The following DPYSL3 variants were observed in gnomAD, a reference collection of about 807,000 sequenced individuals.
DPYSL3 encodes dihydropyrimidinase like 3.
Under a neutral mutation model 66.1 loss-of-function variants are expected in DPYSL3, and 16 were observed. The observed-to-expected ratio is 0.24, with a 90% CI of 0.16 to 0.37. DPYSL3 has a LOEUF of 0.37. Among genes scored for constraint, DPYSL3 ranks in the 10% least tolerant of loss-of-function variants. The pLI, the probability that DPYSL3 is intolerant of heterozygous loss-of-function variation, is 1.00. For missense variants in DPYSL3, 738 were observed against 916.2 expected (o/e 0.81, Z 2.51); for synonymous variants, 338 against 345.1 (o/e 0.98, Z 0.23).
chr5:147,492,577 T>G (rs974372853), intron 1 of DPYSL3, among the ~76,000 whole-genome samples: 7 of 152,152 alleles, frequency 4.6e-5, no homozygotes, highest in South Asian at 2.1e-4. Flanking sequence ...GCACTACTCA[T>G]AAAATAATAC....
chr5:147,455,810 C>A (rs1203367196), intron 1 of DPYSL3, among the ~76,000 whole-genome samples: 1 of 151,402 alleles, frequency 6.6e-6, no homozygotes, highest in Non-Finnish European at 1.5e-5. Flanking sequence ...TTACAAGTTT[C>A]TTTGCCTTTC....
intron 7 of DPYSL3, 132 bp from the exon 8 acceptor site, chr5:147,405,862 T>G: frequency 8.3e-7 from 1 of 1,199,508 alleles, no homozygotes; most frequent in South Asian, 1.6e-5. Flanking sequence ...TGGAATTAGA[T>G]AGCCTATATC....
chr5:147,485,785 C>G (rs1753320555), intron 1 of DPYSL3, among the ~76,000 whole-genome samples: 1 of 152,166 alleles, frequency 6.6e-6, no homozygotes, highest in South Asian at 2.1e-4. Flanking sequence ...CTTCTATTAA[C>G]TGTAACTTGG....
At chr5:147,438,325 G>A (rs1205356377) in intron 1 of DPYSL3, among the ~76,000 whole-genome samples, 1 of 152,198 alleles carries the variant, frequency 6.6e-6, no homozygotes, top group Admixed American at 6.5e-5. Flanking sequence ...AGGACTTCAA[G>A]AGGTCAGGCA....
At chr5:147,411,657 G>A (rs756981307) in intron 6 of DPYSL3, among the ~76,000 whole-genome samples, 2 of 152,232 alleles carry the variant, frequency 1.3e-5, no homozygotes, top group Non-Finnish European at 2.9e-5. Context: ...CTCACCAAAC[G>A]GCACCTGCTA....
Position 147,397,482 on chromosome 5 carries a change from A to G in DPYSL3, c.1803+184T>C, listed in dbSNP as rs1042958764. ...TGGGAAAAAAAGCTCTCTTTGAACA[A>G]AAATTTTCAACACCCTCTTTAATAG... On this transcript the variant is annotated intron_variant, in intron 12 of 13. Coordinates refer to ENST00000343218, the MANE Select transcript of DPYSL3 (RefSeq NM_001197294.2). Among the ~76,000 whole-genome samples the G allele has an allele frequency of 7.9e-5, 12 of 152,332 alleles. 1 individual carries two copies. Among genetic ancestry groups the G allele is most frequent in the East Asian group, 7.7e-4 (4 of 5,186 alleles).
Position 147,434,980 on chromosome 5 carries a change from AAG to A in DPYSL3, c.382-10019_382-10018del, listed in dbSNP as rs549608811. On this transcript the variant is annotated intron_variant, in intron 1 of 13. Coordinates refer to ENST00000343218, the MANE Select transcript of DPYSL3 (RefSeq NM_001197294.2). ...TACCACACCAATGTAAGGTGTTAATAAGAGAGGAAACTTGGGGGTGAGGAGGG... is the reference window on the plus strand; with the variant it reads ...TACCACACCAATGTAAGGTGTTAATAAGAGGAAACTTGGGGGTGAGGAGGG... Among the ~76,000 whole-genome samples the A allele has an allele frequency of 9.0e-3, 1,365 of 152,324 alleles. 16 individuals are homozygous for A. Among genetic ancestry groups the A allele is most frequent in the Non-Finnish European group, 0.015 (1,054 of 68,026 alleles).
chr5:147,436,055 G>T (rs1239677070), intron 1 of DPYSL3, among the ~76,000 whole-genome samples: 1 of 152,156 alleles, frequency 6.6e-6, no homozygotes, highest in East Asian at 1.9e-4. Flanking sequence ...AGGAATCAGG[G>T]GAAAATACCC....
intron 1 of DPYSL3, among the ~76,000 whole-genome samples, chr5:147,444,626 T>C (rs993628160): frequency 1.3e-5 from 2 of 152,286 alleles, no homozygotes; most frequent in South Asian, 2.1e-4. Flanking sequence ...GTGATTACCA[T>C]TACACATAAA....
chr5:147,442,938 T>C (rs975550738), intron 1 of DPYSL3, among the ~76,000 whole-genome samples: 2 of 152,236 alleles, frequency 1.3e-5, no homozygotes, highest in Non-Finnish European at 2.9e-5. Flanking sequence ...TTATTGTTTG[T>C]GATTTTGGTA....
chr5:147,453,513 A>G, intron 1 of DPYSL3: 1 of 1,518,248 alleles, frequency 6.6e-7, no homozygotes, highest in Non-Finnish European at 8.8e-7. Context: ...ACAGGGAGCG[A>G]GCGAGGAGGG....
At chr5:147,397,572 A>C in intron 12 of DPYSL3, 94 bp downstream of exon 12, 7 of 1,299,814 alleles carry the variant, frequency 5.4e-6, no homozygotes, top group African/African-American at 1.5e-5. Context: ...GTGAGAGTCT[A>C]GAGATCACAG....
rs1477077656 is a variant in DPYSL3 at position 147,391,389 on chromosome 5, A to T, written c.*2646T>A. Reference sequence around the variant, plus strand: ...TAACAATTTCCCAAACACCCTTTCCACTACCCAAGCCCGTGGCCCTCAGAG... The same window carrying T: ...TAACAATTTCCCAAACACCCTTTCCTCTACCCAAGCCCGTGGCCCTCAGAG... On this transcript the variant is annotated 3_prime_UTR_variant, in exon 14 of 14. Coordinates refer to ENST00000343218, the MANE Select transcript of DPYSL3 (RefSeq NM_001197294.2). 6.6e-6 allele frequency: 1 copy of T among 152,586 alleles called. No homozygotes were observed. Among genetic ancestry groups the T allele is most frequent in the Middle Eastern group, 3.2e-3 (1 of 316 alleles). The allele number at this position is 152,586 out of a possible 1,614,324, so 9.5% of individuals were successfully genotyped here.
chr5:147,487,928 C>G (rs890543272), intron 1 of DPYSL3, among the ~76,000 whole-genome samples: 2 of 152,190 alleles, frequency 1.3e-5, no homozygotes, highest in African/African-American at 4.8e-5. Flanking sequence ...GATGGTCTGG[C>G]TTCCTGACAC....
chr5:147,428,637 C>T (rs1323742758), intron 1 of DPYSL3, among the ~76,000 whole-genome samples: 1 of 152,096 alleles, frequency 6.6e-6, no homozygotes, highest in Non-Finnish European at 1.5e-5. Context: ...TGAACAAACC[C>T]AACATCTCTG....
Position 147,395,563 on chromosome 5 carries a change from C to T in DPYSL3, c.1962G>A (p.Leu654=). 6.2e-7 allele frequency: 1 copy of T among 1,611,462 alleles called. No homozygotes were observed. Among genetic ancestry groups the T allele is most frequent in the Non-Finnish European group, 8.5e-7 (1 of 1,178,788 alleles). ...VRNLHQSGFS[L]SGTQVDEGVR... ...TGATGAGCCTGTCCCACTCACCTGA[C>T]AGGCTAAATCCCGACTGATGAAGAT... Residue 654 remains leucine, a synonymous_variant, in exon 13 of 14, where the codon CTG becomes CTA. Transcript: ENST00000343218.
At chr5:147,473,233 T>G (rs756207576) in intron 1 of DPYSL3, 2 of 152,220 alleles carry the variant, frequency 1.3e-5, no homozygotes, top group Non-Finnish European at 2.9e-5. Context: ...ATTGTGATTT[T>G]GTCTCTGTAT....
intron 3 of DPYSL3, 84 bp from the exon 4 acceptor site, chr5:147,415,957 T>A: frequency 6.9e-7 from 1 of 1,439,416 alleles, no homozygotes. Context: ...CTTGCTTAGC[T>A]GTGACTGCAG....
intron 1 of DPYSL3, among the ~76,000 whole-genome samples, chr5:147,456,510 T>C (rs893263463): frequency 4.6e-5 from 7 of 151,716 alleles, no homozygotes; most frequent in Admixed American, 3.9e-4. Flanking sequence ...TTTGGCACCA[T>C]CCTTGATTTC....
Sources: gnomAD v4.1 joint callset for allele counts (sites outside exome capture counted in the v4.1 genomes callset) on GRCh38, gnomAD v4.1.1 for gene constraint, MANE v1.5 for transcripts, NCBI Gene and HGNC (gene_info 2026-07-23, HGNC 2026-07-21) for gene names.